Variants in ADAMTS6 observed in about 807,000 individuals in gnomAD.
ADAMTS6 encodes A disintegrin and metalloproteinase with thrombospondin motifs 6.
Under a neutral mutation model 144.3 loss-of-function variants are expected in ADAMTS6, and 23 were observed. That is an observed-to-expected ratio of 0.16 (90% CI 0.11 to 0.23). ADAMTS6 has a LOEUF of 0.23. Among genes scored for constraint, ADAMTS6 ranks in the 10% least tolerant of loss-of-function variants. The probability of loss-of-function intolerance (pLI) is 1.00; values close to 1 mark genes in which losing one functional copy is unlikely to be tolerated. For missense variants in ADAMTS6, 999 were observed against 1,379.6 expected, an observed-to-expected ratio of 0.72 and a Z score of 4.37; for synonymous variants, 444 against 457.5, an observed-to-expected ratio of 0.97 and a Z score of 0.38.
At chr5:65,252,143 A>C (rs1760219149) in intron 14 of ADAMTS6, among the ~76,000 whole-genome samples, 1 of 152,144 alleles carries the variant, frequency 6.6e-6, no homozygotes, top group Non-Finnish European at 1.5e-5. Context: ...CAGTGTAGGG[A>C]TCCACATAGG....
At chr5:65,175,494 C>T (rs546097748) in intron 22 of ADAMTS6, among the ~76,000 whole-genome samples, 1 of 152,310 alleles carries the variant, frequency 6.6e-6, no homozygotes, top group East Asian at 1.9e-4. Context: ...CTGTAACACT[C>T]TAATACCACT....
intron 14 of ADAMTS6, among the ~76,000 whole-genome samples, chr5:65,257,761 C>T (rs142297827): frequency 2.6e-5 from 4 of 152,302 alleles, no homozygotes; most frequent in African/African-American, 9.6e-5. Context: ...CTTCATGTCT[C>T]TAGCTTCCTG....
intron 14 of ADAMTS6, among the ~76,000 whole-genome samples, chr5:65,250,660 T>C (rs1179325639): frequency 6.6e-6 from 1 of 152,182 alleles, no homozygotes; most frequent in Non-Finnish European, 1.5e-5. Context: ...TGCCTTTCCA[T>C]CCCAGCCAAA....
At chr5:65,303,055 A>T (rs940909353) in intron 9 of ADAMTS6, among the ~76,000 whole-genome samples, 2 of 152,176 alleles carry the variant, frequency 1.3e-5, no homozygotes, top group Admixed American at 6.5e-5. Flanking sequence ...GCAATTGAAC[A>T]TTTGTGTCAA....
Position 65,452,181 on chromosome 5 carries a change from G to A in ADAMTS6, c.879C>T (p.Asn293=), listed in dbSNP as rs1758795665. 25 of 1,612,096 alleles carry A rather than the reference G, an allele frequency of 1.6e-5. No individual in the cohort carries two copies. The East Asian group carries it at 4.2e-4, about 27-fold the overall frequency. The part of the protein sequence containing the change: ...AKLYRDSSLG[N]VVNIIVARLI... The stretch of plus-strand genomic sequence containing the variant: ...AGCGGGCCACTATAATATTCACAAC[G>A]TTTCCTAGGCTGGAATCACGGTAAA... The change falls in exon 6 of 25, where the codon AAC becomes AAT. Residue 293 remains asparagine, a synonymous_variant. Coordinates refer to ENST00000381055, the MANE Select transcript of ADAMTS6 (RefSeq NM_197941.4).
At chr5:65,210,450 CAAAA>C (rs59171341) in intron 20 of ADAMTS6, 266 of 104,564 alleles carry the variant, frequency 2.5e-3, no homozygotes, top group South Asian at 7.4e-3. Flanking sequence ...AACTCCGTCT[CAAAA>C]AAAAAAAAAA....
chr5:65,243,892 C>T (rs905339854), intron 14 of ADAMTS6, among the ~76,000 whole-genome samples: 9 of 152,150 alleles, frequency 5.9e-5, no homozygotes, highest in Non-Finnish European at 5.9e-5. Flanking sequence ...TTATAAAGCA[C>T]CAGTCACCTA....
At chr5:65,183,438 CTT>C (rs1754479349) in intron 22 of ADAMTS6, among the ~76,000 whole-genome samples, 1 of 151,794 alleles carries the variant, frequency 6.6e-6, no homozygotes, top group African/African-American at 2.4e-5. Context: ...TTGTTAATCT[CTT>C]ATTGTGCCTA....
intron 18 of ADAMTS6, among the ~76,000 whole-genome samples, chr5:65,221,129 C>A (rs142115508): frequency 6.6e-6 from 1 of 152,072 alleles, no homozygotes; most frequent in Non-Finnish European, 1.5e-5. Context: ...GAGAAAGGAA[C>A]ACTTCTAAAG....
chr5:65,328,989 G>C (rs958986315), intron 9 of ADAMTS6, among the ~76,000 whole-genome samples: 7 of 152,122 alleles, frequency 4.6e-5, no homozygotes, highest in Non-Finnish European at 5.9e-5. Context: ...AAGGGATGCT[G>C]ACAGCTGTAT....
At chr5:65,342,481 G>A (rs1041860636) in intron 7 of ADAMTS6, among the ~76,000 whole-genome samples, 2 of 152,074 alleles carry the variant, frequency 1.3e-5, no homozygotes, top group African/African-American at 4.8e-5. Flanking sequence ...ACAACATGTG[G>A]GAATTGTGGG....
chr5:65,408,538 A>G (rs1754773416), intron 7 of ADAMTS6, among the ~76,000 whole-genome samples: 1 of 152,294 alleles, frequency 6.6e-6, no homozygotes, highest in African/African-American at 2.4e-5. Context: ...AGACTCCCAT[A>G]CAATAATAAT....
chr5:65,446,233 C>T (rs987514329), intron 7 of ADAMTS6, among the ~76,000 whole-genome samples: 1 of 152,078 alleles, frequency 6.6e-6, no homozygotes, highest in African/African-American at 2.4e-5. Context: ...ACCATGAAAC[C>T]AATATATAAT....
chr5:65,220,620 G>A (rs937652416), intron 18 of ADAMTS6, among the ~76,000 whole-genome samples: 1 of 152,104 alleles, frequency 6.6e-6, no homozygotes, highest in Non-Finnish European at 1.5e-5. Context: ...CAACGTGGGT[G>A]CCTGTAGTCC....
At chr5:65,439,142 T>A (rs1303189731) in intron 7 of ADAMTS6, among the ~76,000 whole-genome samples, 3 of 151,504 alleles carry the variant, frequency 2.0e-5, no homozygotes, top group African/African-American at 7.3e-5. Context: ...AAATCTGTAT[T>A]TTTTTAGAAG....
intron 22 of ADAMTS6, among the ~76,000 whole-genome samples, chr5:65,177,655 T>C (rs984500456): frequency 4.6e-5 from 7 of 152,242 alleles, no homozygotes; most frequent in Non-Finnish European, 8.8e-5. Context: ...AATCGTACAT[T>C]CATTTTACTC....
At chr5:65,294,167 C>T (rs1742608509) in intron 10 of ADAMTS6, among the ~76,000 whole-genome samples, 1 of 152,148 alleles carries the variant, frequency 6.6e-6, no homozygotes, top group African/African-American at 2.4e-5. Flanking sequence ...CTGGTATATA[C>T]AGTAAAACCT....
chr5:65,268,220 C>G (rs1441288021), intron 12 of ADAMTS6, among the ~76,000 whole-genome samples: 2 of 152,178 alleles, frequency 1.3e-5, no homozygotes, highest in Admixed American at 1.3e-4. Context: ...AACCCAAATA[C>G]TGGGCTATAT....
chr5:65,409,325 C>G (rs1754852565), intron 7 of ADAMTS6, among the ~76,000 whole-genome samples: 1 of 133,828 alleles, frequency 7.5e-6, no homozygotes, highest in Non-Finnish European at 1.7e-5. Flanking sequence ...GATATCACCA[C>G]TGATCCCACA....
Sources: allele counts gnomAD v4.1 joint callset (sites outside exome capture counted in the v4.1 genomes callset), GRCh38; gene constraint gnomAD v4.1.1; transcripts MANE v1.5; gene names NCBI Gene and HGNC (gene_info 2026-07-23, HGNC 2026-07-21).